The following SLAIN2 variants were observed in gnomAD, a reference collection of about 807,000 sequenced individuals.
SLAIN2 encodes SLAIN motif-containing protein 2.
SLAIN2 carries 31 observed loss-of-function variants against 56.6 expected under a neutral mutation model. The ratio of observed to expected loss-of-function variants is 0.55; its 90% confidence interval spans 0.41 to 0.74. The LOEUF (loss-of-function observed/expected upper bound fraction) is 0.74, where lower values mean the gene tolerates loss of function less well. SLAIN2 is among the 30% of genes least tolerant of loss of function. The pLI is 0.00. For synonymous variants in SLAIN2, 317 were observed against 284.9 expected, an observed-to-expected ratio of 1.11 and a Z score of -1.13; for missense variants, 777 against 754.2, an observed-to-expected ratio of 1.03 and a Z score of -0.35.
chr4:48,420,235 A>G lies in SLAIN2; in HGVS notation c.1471A>G (p.Ile491Val). 2.5e-6 allele frequency: 4 copies of G among 1,613,972 alleles called. No homozygotes were observed. Among genetic ancestry groups the G allele is most frequent in the Non-Finnish European group, 3.4e-6 (4 of 1,179,888 alleles). The change falls in exon 7 of 8, where the codon ATA becomes GTA. Residue 491 changes from isoleucine (I) to valine (V), a missense_variant. By Grantham distance (29) the Ile-to-Val change is conservative. Coordinates refer to ENST00000264313, the MANE Select transcript of SLAIN2 (RefSeq NM_020846.2). ...CTCTGGTTCTCCTGGTAGCCAAGAAATAACACAGCTCACACAAACCACCTC... is the reference window on the plus strand; with the variant it reads ...CTCTGGTTCTCCTGGTAGCCAAGAAGTAACACAGCTCACACAAACCACCTC... ...HGSGSPGSQE[I>V]TQLTQTTSSP... is the part of the protein sequence containing the mutation.
intron 1 of SLAIN2, among the ~76,000 whole-genome samples, chr4:48,349,391 C>T (rs917660552): frequency 6.6e-6 from 1 of 152,228 alleles, no homozygotes; most frequent in African/African-American, 2.4e-5. Context: ...AGATTTCTTA[C>T]ATGACGCTTA....
chr4:48,409,485 G>C (rs1716789159), intron 6 of SLAIN2, among the ~76,000 whole-genome samples: 1 of 152,130 alleles, frequency 6.6e-6, no homozygotes, highest in African/African-American at 2.4e-5. Flanking sequence ...ACTGTACTTT[G>C]TTCCTTTTTA....
rs189685640 is a variant in SLAIN2, at chr4:48,402,263, G to A, written c.1361-17862G>A. Among the ~76,000 whole-genome samples, 6 of 151,230 alleles carry A rather than the reference G, an allele frequency of 4.0e-5. No homozygotes were observed. The East Asian group carries it at 5.8e-4, about 15-fold the overall frequency. On this transcript the variant is annotated intron_variant, in intron 6 of 7. Transcript: ENST00000264313. ...CTGATGATTATGTGTCTTTGGGTTG[G>A]TCTTCTTGCGGAGTATCTTACTAGG...
At chr4:48,356,301 C>T (rs983935959) in intron 1 of SLAIN2, among the ~76,000 whole-genome samples, 1 of 152,156 alleles carries the variant, frequency 6.6e-6, no homozygotes, top group Non-Finnish European at 1.5e-5. Context: ...TGCACATATC[C>T]ATACATATAC....
At chr4:48,387,130 A>G (rs1246646289) in intron 6 of SLAIN2, among the ~76,000 whole-genome samples, 1 of 152,122 alleles carries the variant, frequency 6.6e-6, no homozygotes, top group African/African-American at 2.4e-5. Context: ...GTCCCCTCAT[A>G]CATGCTCTGT....
chr4:48,341,888 T>C lies in SLAIN2; in HGVS notation c.149T>C (p.Val50Ala). ...GGCTCCCTTGGGCCCGGCAGCCCGGTTCGGGCCGGCGCGTCCATTCCCTCC... is the reference window on the plus strand; with the variant it reads ...GGCTCCCTTGGGCCCGGCAGCCCGGCTCGGGCCGGCGCGTCCATTCCCTCC... Reference protein sequence around the residue: ...GAGSLGPGSPVRAGASIPSSG... With the variant: ...GAGSLGPGSPARAGASIPSSG... Residue 50 changes from valine to alanine, a missense_variant, in exon 1 of 8, where the codon GTT (valine) becomes GCT (alanine). By Grantham distance (64) the Val-to-Ala change is moderately conservative (BLOSUM62 0). Transcript: ENST00000264313. The C allele has an allele frequency of 6.6e-7, 1 of 1,514,786 alleles. No homozygotes were observed. Among genetic ancestry groups the C allele is most frequent in the Non-Finnish European group, 8.8e-7 (1 of 1,132,472 alleles). The allele number at this position is 1,514,786 out of a possible 1,614,324, so 93.8% of individuals were successfully genotyped here. A position where few individuals can be genotyped will look rare whatever the true frequency, so the allele number is the denominator to read the frequency against.
intron 1 of SLAIN2, among the ~76,000 whole-genome samples, chr4:48,342,563 G>A (rs1205514952): frequency 2.0e-5 from 3 of 152,044 alleles, no homozygotes; most frequent in African/African-American, 7.3e-5. Context: ...GGGGGTCAGG[G>A]GCAGACCAGA....
chr4:48,392,093 A>G (rs1301801615), intron 6 of SLAIN2, among the ~76,000 whole-genome samples: 1 of 152,236 alleles, frequency 6.6e-6, no homozygotes, highest in Non-Finnish European at 1.5e-5. Flanking sequence ...ACACTTTGTC[A>G]TTTAAAAGTG....
intron 6 of SLAIN2, among the ~76,000 whole-genome samples, chr4:48,407,060 T>C (rs1463996420): frequency 1.3e-5 from 2 of 152,172 alleles, no homozygotes; most frequent in Non-Finnish European, 2.9e-5. Context: ...AAAAGTTTTA[T>C]TGAATTATAG....
chr4:48,350,797 CT>C (rs1714991453), intron 1 of SLAIN2, among the ~76,000 whole-genome samples: 1 of 152,022 alleles, frequency 6.6e-6, no homozygotes, highest in Admixed American at 6.6e-5. Context: ...TTACTTTGAT[CT>C]GGGAAAGGTC....
At chr4:48,388,825 T>A (rs1388266056) in intron 6 of SLAIN2, among the ~76,000 whole-genome samples, 14 of 152,322 alleles carry the variant, frequency 9.2e-5, no homozygotes, top group Admixed American at 6.5e-4. Context: ...GTAAAATAAT[T>A]TAGTGAGATA....
At chr4:48,392,755 T>C (rs1716268305) in intron 6 of SLAIN2, among the ~76,000 whole-genome samples, 1 of 151,960 alleles carries the variant, frequency 6.6e-6, no homozygotes, top group South Asian at 2.1e-4. Context: ...GCCTACTTCC[T>C]GTCCCTCTTT....
At chr4:48,413,273 T>C (rs1414706331) in intron 6 of SLAIN2, among the ~76,000 whole-genome samples, 1 of 152,058 alleles carries the variant, frequency 6.6e-6, no homozygotes, top group East Asian at 1.9e-4. Context: ...ATGTTTCTCT[T>C]TTGGTTCCTG....
At chr4:48,360,534 G>C (rs534693894) in intron 1 of SLAIN2, among the ~76,000 whole-genome samples, 1 of 152,068 alleles carries the variant, frequency 6.6e-6, no homozygotes, top group Admixed American at 6.5e-5. Flanking sequence ...AGAGGTTGCT[G>C]TGAGCTGAGA....
Position 48,378,073 on chromosome 4 carries a change from T to C in SLAIN2, c.703+13T>C. 1.9e-6 allele frequency: 3 copies of C among 1,610,228 alleles called. No individual in the cohort carries two copies. Among genetic ancestry groups the C allele is most frequent in the Non-Finnish European group, 2.5e-6 (3 of 1,178,550 alleles). ...CCTGGAAATTCAGGTAAGGAGAAAATGATATGGAGCTATTAAGGAATGTTT... is the reference window on the plus strand; with the variant it reads ...CCTGGAAATTCAGGTAAGGAGAAAACGATATGGAGCTATTAAGGAATGTTT... On this transcript the variant is annotated intron_variant, in intron 3 of 7. Coordinates refer to ENST00000264313, the MANE Select transcript of SLAIN2 (RefSeq NM_020846.2).
intron 6 of SLAIN2, among the ~76,000 whole-genome samples, chr4:48,395,675 A>G (rs17655741): frequency 0.028 from 4,267 of 152,234 alleles, 66 homozygotes; most frequent in Admixed American, 0.045. Flanking sequence ...TGGGCCTCCA[A>G]TATGAATGTT....
chr4:48,419,016 A>C (rs989919152), intron 6 of SLAIN2, among the ~76,000 whole-genome samples: 2 of 151,850 alleles, frequency 1.3e-5, no homozygotes, highest in Non-Finnish European at 2.9e-5. Flanking sequence ...TTATCCATTC[A>C]TGTGTTGATG....
At chr4:48,355,781 A>C (rs1347498571) in intron 1 of SLAIN2, among the ~76,000 whole-genome samples, 1 of 151,930 alleles carries the variant, frequency 6.6e-6, no homozygotes, top group Non-Finnish European at 1.5e-5. Context: ...ATATAAATGT[A>C]GATTATATCT....
chr4:48,365,142 G>A (rs62309427), intron 1 of SLAIN2, among the ~76,000 whole-genome samples: 149,242 of 152,026 alleles, frequency 0.98, 73,315 homozygotes, highest in Middle Eastern at 1. Context: ...TCCTAGGTCA[G>A]TCTCACTTAA....
Sources: gnomAD v4.1 joint callset for allele counts (sites outside exome capture counted in the v4.1 genomes callset) on GRCh38, gnomAD v4.1.1 for gene constraint, MANE v1.5 for transcripts, NCBI Gene and HGNC (gene_info 2026-07-23, HGNC 2026-07-21) for gene names.